The following SLC38A1 variants were observed in gnomAD, a reference collection of about 807,000 sequenced individuals.
The protein encoded by SLC38A1 is solute carrier family 38 member 1.
In SLC38A1, 18 loss-of-function variants were observed where a neutral mutation model predicts 60.3. That is an observed-to-expected ratio of 0.30 (90% confidence interval 0.21 to 0.44). The LOEUF (loss-of-function observed/expected upper bound fraction) is 0.44. Among genes scored for constraint, SLC38A1 ranks in the 20% least tolerant of loss-of-function variants. The pLI is 1.00. For synonymous variants in SLC38A1, 196 were observed against 212.1 expected, an observed-to-expected ratio of 0.92 and a Z score of 0.66; for missense variants, 448 against 587.2, an observed-to-expected ratio of 0.76 and a Z score of 2.45.
chr12:46,205,618 C>T (rs750224046), intron 9 of SLC38A1, among the ~76,000 whole-genome samples: 1 of 152,182 alleles, frequency 6.6e-6, no homozygotes, highest in East Asian at 1.9e-4. Flanking sequence ...TGATTTCTCT[C>T]TCCCACTTCG....
At chr12:46,249,640 A>C (rs1226368547) in intron 1 of SLC38A1, among the ~76,000 whole-genome samples, 1 of 152,214 alleles carries the variant, frequency 6.6e-6, no homozygotes, top group Non-Finnish European at 1.5e-5. Context: ...TGCAATAAAA[A>C]ATGATAAAGG....
intron 3 of SLC38A1, among the ~76,000 whole-genome samples, chr12:46,234,508 C>A (rs1443975972): frequency 6.8e-6 from 1 of 147,316 alleles, no homozygotes; most frequent in Non-Finnish European, 1.5e-5. Flanking sequence ...ACTGCAGTGG[C>A]GCTATCTCGG....
At chr12:46,196,317 C>T in intron 16 of SLC38A1, 13 of 1,533,136 alleles carry the variant, frequency 8.5e-6, no homozygotes, top group Non-Finnish European at 1.0e-5. Context: ...GACATGGCTG[C>T]ACATGGCATA....
Position 46,215,398 on chromosome 12 carries a change from T to A in SLC38A1, c.315-6271A>T, listed in dbSNP as rs138013978. On this transcript the variant is annotated intron_variant, in intron 5 of 16. Transcript: ENST00000398637. The stretch of plus-strand genomic sequence containing the variant: ...TAAGATCTCATCTGCTTCCTTTGGT[T>A]GACTTCCTCAAGCATTACTTTTTTT... Among the ~76,000 whole-genome samples the A allele has an allele frequency of 4.5e-3, 690 of 152,262 alleles. 8 individuals carry two copies. Among genetic ancestry groups the A allele is most frequent in the African/African-American group, 0.016 (661 of 41,558 alleles).
chr12:46,226,289 A>G (rs552791020), intron 5 of SLC38A1, among the ~76,000 whole-genome samples: 5 of 152,086 alleles, frequency 3.3e-5, no homozygotes, highest in African/African-American at 1.2e-4. Context: ...CATGTTTTAA[A>G]TTTTTCATAA....
At chr12:46,201,285 T>G (rs1939647815) in intron 12 of SLC38A1, 87 bp from the exon 13 acceptor site, 4 of 1,139,816 alleles carry the variant, frequency 3.5e-6, no homozygotes, top group Non-Finnish European at 5.1e-6. Flanking sequence ...AATTTAACTT[T>G]GCTTCTGTCA....
At chr12:46,240,871 C>CA (rs1330315698) in intron 2 of SLC38A1, among the ~76,000 whole-genome samples, 2 of 152,134 alleles carry the variant, frequency 1.3e-5, no homozygotes, top group African/African-American at 4.8e-5. Flanking sequence ...CATTTTCTCC[C>CA]ATATGGATGA....
chr12:46,189,008 C>T lies in SLC38A1; in HGVS notation c.1426G>A (p.Asp476Asn). ...TCACTACTCGATGAGCAGGCCCAGT[C>T]ATAGATGACCAAGGGAATGCTGACC... ...SLVSIPLVIYDWACSSSSDEG... is the reference protein window; with the variant it reads ...SLVSIPLVIYNWACSSSSDEG... Residue 476 changes from aspartate (D) to asparagine (N), a missense_variant, in exon 17 of 17, where the codon GAC becomes AAC. Around this residue, in one of 2 missense-constraint regions of SLC38A1, gnomAD observed 346 missense variants for 497.5 expected, o/e 0.70. Coordinates refer to ENST00000398637, the MANE Select transcript of SLC38A1 (RefSeq NM_030674.4). The T allele has an allele frequency of 6.2e-7, 1 of 1,613,634 alleles. No individual in the cohort carries two copies.
rs145522310 is a variant in SLC38A1, at chr12:46,213,117, T to C, written c.315-3990A>G. On this transcript the variant is annotated intron_variant, in intron 5 of 16. Coordinates refer to ENST00000398637, the MANE Select transcript of SLC38A1 (RefSeq NM_030674.4). ...ACCATCCTTTTTAAAGGCTGTGTGC[T>C]GAGATGAACACAATGCTATAACATC... is the stretch of plus-strand genomic sequence containing the variant. Among the ~76,000 whole-genome samples, 154 of 152,350 alleles carry C rather than the reference T, an allele frequency of 1.0e-3. 3 individuals carry two copies. The South Asian group carries it at 0.019, about 18-fold the overall frequency.
chr12:46,224,599 A>G (rs1940794412), intron 5 of SLC38A1, among the ~76,000 whole-genome samples: 1 of 152,148 alleles, frequency 6.6e-6, no homozygotes, highest in South Asian at 2.1e-4. Flanking sequence ...GTGTTGGCCA[A>G]TGTGAGTCTG....
At chr12:46,248,240 C>A (rs566640529) in intron 1 of SLC38A1, among the ~76,000 whole-genome samples, 18 of 152,188 alleles carry the variant, frequency 1.2e-4, no homozygotes, top group African/African-American at 3.9e-4. Context: ...CACAGACTGG[C>A]AAATTGGATA....
At chr12:46,231,250 C>T (rs892509411) in intron 3 of SLC38A1, among the ~76,000 whole-genome samples, 6 of 151,970 alleles carry the variant, frequency 3.9e-5, no homozygotes, top group African/African-American at 4.8e-5. Flanking sequence ...AACGGGTACA[C>T]GTGGACATAG....
Position 46,209,058 on chromosome 12 carries a change from T to G in SLC38A1, c.384A>C (p.Glu128Asp). 1 of 1,607,202 alleles carries G rather than the reference T, an allele frequency of 6.2e-7. No homozygotes were observed. The highest frequency in any genetic ancestry group is 8.5e-7 in the Non-Finnish European group (1 of 1,176,676). The change falls in exon 6 of 17, where the codon GAA becomes GAC. Residue 128 changes from glutamate to aspartate, a missense_variant. By Grantham distance (45) the Glu-to-Asp change is conservative. Coordinates refer to ENST00000398637, the MANE Select transcript of SLC38A1 (RefSeq NM_030674.4). ...TCAAACACGTCCTCAGCTTACCTGT[T>G]TCTTTTGAACAGATCAATAGGAGGT... Reference protein sequence around the residue: ...SINLLLICSKETGCMVYEKLG... With the variant: ...SINLLLICSKDTGCMVYEKLG...
chr12:46,239,725 T>A lies in SLC38A1; in HGVS notation c.76A>T (p.Asn26Tyr), dbSNP rs1365692712. ...MTVPEDDNIS[N>Y]DSNDFTEVEN... is the part of the protein sequence containing the mutation. ...ACTTCGGTGAAATCATTGGAGTCAT[T>A]GCTAATGTTATCATCCTCGGGCACT... Residue 26 changes from asparagine to tyrosine, a missense_variant, in exon 3 of 17, where the codon AAT (asparagine) becomes TAT (tyrosine). Physicochemically the swap from Asn to Tyr is moderately radical, Grantham distance 143 (BLOSUM62 -2). Transcript: ENST00000398637. 3.1e-6 allele frequency: 5 copies of A among 1,613,594 alleles called. No individual in the cohort carries two copies. Among genetic ancestry groups the A allele is most frequent in the Non-Finnish European group, 4.2e-6 (5 of 1,179,906 alleles).
chr12:46,229,203 CCCACTGCCCATAAT>C lies in SLC38A1; in HGVS notation c.250_263del (p.Ile84AspfsTer47). On this transcript the variant is annotated frameshift_variant, in exon 5 of 17. Coordinates refer to ENST00000398637, the MANE Select transcript of SLC38A1 (RefSeq NM_030674.4). LOFTEE classifies it high-confidence loss of function. ...CCAGGGCAAAGGCGAGTCCCAAAAT[CCCACTGCCCATAAT>C]GGCGTTGCTTAGGTTAAAAACAGAC... 3 of 1,613,756 alleles carry C rather than the reference CCCACTGCCCATAAT, an allele frequency of 1.9e-6. No individual in the cohort carries two copies. Among genetic ancestry groups the C allele is most frequent in the Non-Finnish European group, 2.5e-6 (3 of 1,179,824 alleles).
At position 46,216,623 on chromosome 12, in the gene SLC38A1, G is replaced by A. The variant is rs576271839; in HGVS notation, c.315-7496C>T. 4.6e-5 allele frequency among the ~76,000 whole-genome samples: 7 copies of A among 152,258 alleles called. No individual in the cohort carries two copies. In the South Asian group the frequency reaches 8.3e-4, roughly 18 times the overall value. Reference sequence around the variant, plus strand: ...CCCAGCACTTTGGGAGGCAGAGGTGGGCAGATTGCCTGAGCTCAGGAGTTC... The same window carrying A: ...CCCAGCACTTTGGGAGGCAGAGGTGAGCAGATTGCCTGAGCTCAGGAGTTC... On this transcript the variant is annotated intron_variant, in intron 5 of 16. Transcript: ENST00000398637.
chr12:46,193,727 TG>T (rs1479823167), intron 16 of SLC38A1, among the ~76,000 whole-genome samples: 1 of 152,166 alleles, frequency 6.6e-6, no homozygotes, highest in Admixed American at 6.5e-5. Flanking sequence ...GTTTAAAGTC[TG>T]GTTTATCAGA....
chr12:46,197,020 AG>A (rs766605466), intron 16 of SLC38A1, among the ~76,000 whole-genome samples: 1 of 152,204 alleles, frequency 6.6e-6, no homozygotes, highest in Non-Finnish European at 1.5e-5. Flanking sequence ...TGTAGGGAGG[AG>A]TTACATGACT....
At chr12:46,245,741 C>G (rs1941593782) in intron 1 of SLC38A1, among the ~76,000 whole-genome samples, 1 of 152,010 alleles carries the variant, frequency 6.6e-6, no homozygotes, top group Admixed American at 6.6e-5. Context: ...AGAGTGAGAC[C>G]CTGTCTCAAA....
Sources: allele counts gnomAD v4.1 joint callset (sites outside exome capture counted in the v4.1 genomes callset), GRCh38; gene constraint gnomAD v4.1.1; regional missense constraint gnomAD v4.1.1; transcripts MANE v1.5; gene names NCBI Gene and HGNC (gene_info 2026-07-23, HGNC 2026-07-21).